Variants in ZDHHC1 observed in about 807,000 individuals in gnomAD.
ZDHHC1 encodes palmitoyltransferase ZDHHC1.
Under a neutral mutation model 46.9 loss-of-function variants are expected in ZDHHC1, and 45 were observed. That is an observed-to-expected ratio of 0.96 (90% confidence interval 0.76 to 1.23). ZDHHC1 has a LOEUF of 1.23. Ranked by LOEUF, ZDHHC1 falls within the 50% of genes most tolerant of loss-of-function variation. ZDHHC1 has a pLI of 0.00. For synonymous variants in ZDHHC1, 291 were observed against 286.0 expected (o/e 1.02, Z -0.18); for missense variants, 649 against 670.8 (o/e 0.97, Z 0.36).
At chr16:67,395,604 G>A in intron 8 of ZDHHC1, 38 bp from the exon 9 acceptor site, 1 of 1,543,748 alleles carries the variant, frequency 6.5e-7, no homozygotes, top group Non-Finnish European at 8.8e-7. Context: ...GGGAGGCCAG[G>A]TGTGGCTCCC....
chr16:67,405,853 T>C (rs937363699), intron 3 of ZDHHC1, among the ~76,000 whole-genome samples: 2 of 152,246 alleles, frequency 1.3e-5, no homozygotes, highest in African/African-American at 4.8e-5. Flanking sequence ...AATTACTCCC[T>C]ACTTCATCCT....
chr16:67,401,015 G>C lies in ZDHHC1; in HGVS notation c.370C>G (p.Arg124Gly). Residue 124 changes from arginine to glycine, a missense_variant, in exon 4 of 12, where the codon CGA becomes GGA. By Grantham distance (125) the Arg-to-Gly change is moderately radical. Coordinates refer to ENST00000565726, the MANE Select transcript of ZDHHC1 (RefSeq NM_001323627.2). This position sits in a 1 kb window ranked among gnomAD's most constrained non-coding sequence, Gnocchi z 4.6. ...SYAGPLPIFN[R>G]SQHAHVIEDL... ...TCAATGACATGTGCGTGCTGGCTTC[G>C]GTTGAAGATGGGCAGGGGCCCCGCA... The C allele has an allele frequency of 1.9e-6, 3 of 1,614,130 alleles. No homozygotes were observed. Among genetic ancestry groups the C allele is most frequent in the Non-Finnish European group, 2.5e-6 (3 of 1,180,034 alleles).
At chr16:67,395,145 C>A in intron 10 of ZDHHC1, 42 bp downstream of exon 10, 1 of 1,613,100 alleles carries the variant, frequency 6.2e-7, no homozygotes, top group Non-Finnish European at 8.5e-7. Context: ...TTCTTTCTAT[C>A]CCACTCCACC....
intron 3 of ZDHHC1, among the ~76,000 whole-genome samples, chr16:67,403,948 T>C (rs971749951): frequency 3.3e-5 from 5 of 152,122 alleles, no homozygotes; most frequent in African/African-American, 1.2e-4. Flanking sequence ...AAGAAACCAT[T>C]AGAAATCTTG....
intron 3 of ZDHHC1, chr16:67,404,583 G>A (rs911945145): frequency 1.4e-5 from 6 of 430,080 alleles, no homozygotes; most frequent in African/African-American, 2.0e-5. Flanking sequence ...CAAAGCAGAC[G>A]AACCCTGAAT....
rs2142250962 is a variant in ZDHHC1 at position 67,406,402 on chromosome 16, T to C, written c.50A>G (p.Glu17Gly). Residue 17 changes from glutamate (E) to glycine (G), a missense_variant, in exon 3 of 12, where the codon GAG becomes GGG. By Grantham distance (98) the Glu-to-Gly change is moderately conservative. Coordinates refer to ENST00000565726, the MANE Select transcript of ZDHHC1 (RefSeq NM_001323627.2). The surrounding 1 kb of genome is among the most constrained non-coding windows in gnomAD (Gnocchi z 4.1). ...CNKPSNKTAPEKSVWTAPAQP... is the reference protein window; with the variant it reads ...CNKPSNKTAPGKSVWTAPAQP... ...TGCCGGTGCCGTCCACACACTCTTC[T>C]CAGGGGCCGTCTTGTTGGAGGGCTT... is the stretch of plus-strand genomic sequence containing the variant. The C allele has an allele frequency of 1.9e-6, 3 of 1,568,460 alleles. No homozygotes were observed. The highest frequency in any genetic ancestry group is 2.6e-6 in the Non-Finnish European group (3 of 1,156,272).
chr16:67,399,473 C>A lies in ZDHHC1; in HGVS notation c.429-17G>T. 6.3e-7 allele frequency: 1 copy of A among 1,599,544 alleles called. No homozygotes were observed. The highest frequency in any genetic ancestry group is 8.5e-7 in the Non-Finnish European group (1 of 1,170,286). On this transcript the variant is annotated splice_polypyrimidine_tract_variant and intron_variant, in intron 4 of 11. Coordinates refer to ENST00000565726, the MANE Select transcript of ZDHHC1 (RefSeq NM_001323627.2). ...CGAGCGCTCCTGCAGGGAGAGGGGG[C>A]ACAGCGCGATTGGCCGGCTCATTCC...
At chr16:67,410,000 G>A (rs896453857) in intron 1 of ZDHHC1, among the ~76,000 whole-genome samples, 1 of 125,978 alleles carries the variant, frequency 7.9e-6, no homozygotes, top group African/African-American at 2.9e-5. Flanking sequence ...TGGGGGGTGG[G>A]GGAAGGAGGG....
chr16:67,397,132 A>G (rs2040449006), intron 8 of ZDHHC1, among the ~76,000 whole-genome samples: 1 of 152,208 alleles, frequency 6.6e-6, no homozygotes, highest in South Asian at 2.1e-4. Flanking sequence ...CCCTCAAGTC[A>G]CTGCAGATGG....
Position 67,394,707 on chromosome 16 carries a change from G to T in ZDHHC1, c.1352C>A (p.Pro451His). 1 of 1,335,414 alleles carries T rather than the reference G, an allele frequency of 7.5e-7. No homozygotes were observed. The allele number at this position is 1,335,414 out of a possible 1,614,324, so 82.7% of individuals were successfully genotyped here. A position where few individuals can be genotyped will look rare whatever the true frequency, so the allele number is the denominator to read the frequency against. ...LAAPRGRGRQ[P>H]TLARQARAPA... ...CGCACGCGCCTGCCGCGCCAGCGTG[G>T]GCTGTCGGCCCCGGCCCCGCGGGGC... Residue 451 changes from proline (P) to histidine (H), a missense_variant, in exon 12 of 12, where the codon CCC becomes CAC. By Grantham distance (77) the Pro-to-His change is moderately conservative. Transcript: ENST00000565726.
At position 67,394,574 on chromosome 16, in the gene ZDHHC1, G is replaced by A; in HGVS notation, c.*36C>T. The A allele has an allele frequency of 8.7e-7, 1 of 1,144,636 alleles. No individual in the cohort carries two copies. 70.9% of individuals were successfully genotyped at this position (1,144,636 alleles called of 1,614,324 possible). On this transcript the variant is annotated 3_prime_UTR_variant, in exon 12 of 12. Transcript: ENST00000565726. Reference sequence around the variant, plus strand: ...GGGTGTTGCATAGAGAGTCAGGCCGGCCGCTCTAACTCGGCCCTCCGGCCT... The same window carrying A: ...GGGTGTTGCATAGAGAGTCAGGCCGACCGCTCTAACTCGGCCCTCCGGCCT...
intron 6 of ZDHHC1, 22 bp from the exon 7 acceptor site, chr16:67,398,753 T>C (rs2040484686): frequency 6.2e-7 from 1 of 1,611,038 alleles, no homozygotes; most frequent in African/African-American, 1.3e-5. Context: ...AGGCAGTGTG[T>C]GCTCAGCCGG....
intron 8 of ZDHHC1, 140 bp from the exon 9 acceptor site, chr16:67,395,706 GAAAACCCCATCTGTAGGGTAAGGCTT>G (rs1156796560): frequency 1.8e-5 from 15 of 829,196 alleles, no homozygotes; most frequent in Non-Finnish European, 2.7e-5. Context: ...GCCATGCTGG[GAAAACCCCATCTGTAGGGTAAGGCTT>G]AAAACACCCA....
chr16:67,409,991 G>A (rs1234068338), intron 1 of ZDHHC1, among the ~76,000 whole-genome samples: 3 of 134,132 alleles, frequency 2.2e-5, no homozygotes, highest in African/African-American at 2.7e-5. Context: ...TGGCGGGGGT[G>A]GGGGGTGGGG....
rs144290996 is a variant in ZDHHC1 at position 67,410,124 on chromosome 16, A to T, written c.-38-2311T>A. 6.1e-3 allele frequency among the ~76,000 whole-genome samples: 935 copies of T among 152,268 alleles called. 8 individuals carry two copies. Among genetic ancestry groups the T allele is most frequent in the South Asian group, 0.028 (137 of 4,820 alleles). ...GGGCACTGCTGGAAGAGCCACATGG[A>T]GGCAAAGCAGGCTGAAGGCATGAGA... is the stretch of plus-strand genomic sequence containing the variant. On this transcript the variant is annotated intron_variant, in intron 1 of 11. Transcript: ENST00000565726.
In ZDHHC1 at chr16:67,406,419, G is replaced by A. The variant is rs773720080; in HGVS notation, c.33C>T (p.Ser11=). 2.6e-6 allele frequency: 4 copies of A among 1,555,138 alleles called. No homozygotes were observed. The highest frequency in any genetic ancestry group is 2.0e-5 in the Admixed American group (1 of 50,530). ...CACTCTTCTCAGGGGCCGTCTTGTTGGAGGGCTTGTTGCAGATGTTCATCT... is the reference window on the plus strand; with the variant it reads ...CACTCTTCTCAGGGGCCGTCTTGTTAGAGGGCTTGTTGCAGATGTTCATCT... MYKMNICNKP[S]NKTAPEKSVW... Residue 11 remains serine (S), a synonymous_variant, in exon 3 of 12, where the codon TCC becomes TCT. Coordinates refer to ENST00000565726, the MANE Select transcript of ZDHHC1 (RefSeq NM_001323627.2). The surrounding 1 kb of genome is among the most constrained non-coding windows in gnomAD (Gnocchi z 4.1).
chr16:67,412,863 C>T (rs925130427), intron 1 of ZDHHC1, among the ~76,000 whole-genome samples: 22 of 151,624 alleles, frequency 1.5e-4, no homozygotes, highest in Admixed American at 2.6e-4. Flanking sequence ...TGCAGTGGTG[C>T]GATCTTGGCT....
Position 67,395,074 on chromosome 16 carries a change from C to CG in ZDHHC1, c.1105-13dup. ...CTCTTCCTCTTTTTCTGCAGAGACA[C>CG]GGGGGAGCCTGAGGGCCCCACATCG... On this transcript the variant is annotated splice_polypyrimidine_tract_variant and intron_variant, in intron 10 of 11. Coordinates refer to ENST00000565726, the MANE Select transcript of ZDHHC1 (RefSeq NM_001323627.2). The CG allele has an allele frequency of 1.2e-6, 2 of 1,613,232 alleles. No homozygotes were observed. The highest frequency in any genetic ancestry group is 1.7e-6 in the Non-Finnish European group (2 of 1,179,924).
At chr16:67,414,113 G>A (rs1369989883) in intron 1 of ZDHHC1, among the ~76,000 whole-genome samples, 1 of 152,180 alleles carries the variant, frequency 6.6e-6, no homozygotes, top group East Asian at 1.9e-4. Flanking sequence ...AAGTAGGAGG[G>A]AGTAACACAG....
Sources: allele counts gnomAD v4.1 joint callset (sites outside exome capture counted in the v4.1 genomes callset), GRCh38; gene constraint gnomAD v4.1.1; non-coding constraint Gnocchi (gnomAD v3.1); transcripts MANE v1.5; gene names NCBI Gene and HGNC (gene_info 2026-07-23, HGNC 2026-07-21).